The following SH3BP2 variants were observed in gnomAD, a reference collection of about 807,000 sequenced individuals.
SH3BP2 encodes the protein SH3 domain-binding protein 2.
Under a neutral mutation model 56.2 loss-of-function variants are expected in SH3BP2, and 38 were observed. The observed-to-expected ratio is 0.68, with a 90% CI of 0.52 to 0.89. The LOEUF (loss-of-function observed/expected upper bound fraction) is 0.89. SH3BP2 is among the 40% of genes least tolerant of loss of function. The pLI is 0.00. For missense variants in SH3BP2, 748 were observed against 762.6 expected, an observed-to-expected ratio of 0.98 and a Z score of 0.23; for synonymous variants, 346 against 316.7, an observed-to-expected ratio of 1.09 and a Z score of -0.98.
intron 1 of SH3BP2, among the ~76,000 whole-genome samples, chr4:2,808,392 A>C (rs1047035684): frequency 1.3e-5 from 2 of 152,326 alleles, no homozygotes; most frequent in African/African-American, 4.8e-5. Context: ...AGTTACATCG[A>C]AGACCCTTTT....
chr4:2,818,550 G>A (rs1361288407), intron 1 of SH3BP2, among the ~76,000 whole-genome samples: 1 of 152,202 alleles, frequency 6.6e-6, no homozygotes, highest in Non-Finnish European at 1.5e-5. Flanking sequence ...GGACCGTCCC[G>A]GCGGGCGGAT....
At position 2,831,623 on chromosome 4, in the gene SH3BP2, C is replaced by T. The variant is rs373894173; in HGVS notation, c.1294C>T (p.Arg432Trp). 2.5e-4 allele frequency: 402 copies of T among 1,606,062 alleles called. 2 individuals are homozygous for T. Among genetic ancestry groups the T allele is most frequent in the South Asian group, 8.6e-4 (77 of 89,690 alleles). ...CAGGAGCTTCTCCTTTGAAAAGCCC[C>T]GGCAACCCTCACAGGCTGACACTGG... ...SFRSFSFEKP[R>W]QPSQADTGGD... Residue 432 changes from arginine to tryptophan, a missense_variant, in exon 9 of 13, where the codon CGG becomes TGG. By Grantham distance (101) the Arg-to-Trp change is moderately radical. Around this residue, in one of 3 missense-constraint regions of SH3BP2, gnomAD observed 635 missense variants for 615.0 expected, o/e 1.03. Coordinates refer to ENST00000503393, the MANE Select transcript of SH3BP2 (RefSeq NM_001122681.2). This position sits in a 1 kb window ranked among gnomAD's most constrained non-coding sequence, Gnocchi z 4.1.
chr4:2,797,705 G>A (rs928526538), intron 1 of SH3BP2, among the ~76,000 whole-genome samples: 11 of 152,144 alleles, frequency 7.2e-5, no homozygotes, highest in African/African-American at 1.2e-4. Context: ...TGACCTGTCC[G>A]CCTGCCCCTC....
Position 2,831,833 on chromosome 4 carries a change from G to A in SH3BP2, c.1351-90G>A, listed in dbSNP as rs988503957. Reference sequence around the variant, plus strand: ...GGGACACAGCACCATGTAAAGCCCCGGATCCCGGCACCGGGTGGCCACCGT... The same window carrying A: ...GGGACACAGCACCATGTAAAGCCCCAGATCCCGGCACCGGGTGGCCACCGT... On this transcript the variant is annotated intron_variant, in intron 9 of 12. Coordinates refer to ENST00000503393, the MANE Select transcript of SH3BP2 (RefSeq NM_001122681.2). The surrounding 1 kb of genome is among the most constrained non-coding windows in gnomAD (Gnocchi z 4.1). The A allele has an allele frequency of 3.6e-5, 53 of 1,478,848 alleles. 2 individuals carry two copies. Among genetic ancestry groups the A allele is most frequent in the Middle Eastern group, 3.5e-4 (2 of 5,730 alleles). The allele number at this position is 1,478,848 out of a possible 1,614,324, so 91.6% of individuals were successfully genotyped here.
chr4:2,825,233 T>A (rs773068331), intron 5 of SH3BP2, 37 bp downstream of exon 5: 128 of 1,526,754 alleles, frequency 8.4e-5, no homozygotes, highest in Non-Finnish European at 1.1e-4. Context: ...GCAGTGAGGG[T>A]CCCTGGGGCG....
At chr4:2,801,362 G>C (rs1379003663) in intron 1 of SH3BP2, among the ~76,000 whole-genome samples, 1 of 152,236 alleles carries the variant, frequency 6.6e-6, no homozygotes, top group East Asian at 1.9e-4. Flanking sequence ...CCGAGGCTCT[G>C]GGGTTCCCAG....
chr4:2,829,918 C>T lies in SH3BP2; in HGVS notation c.1012C>T (p.His338Tyr), dbSNP rs1408832990. The stretch of plus-strand genomic sequence containing the variant: ...AAACTGTGACAAACTCAAGTCCTTC[C>T]ACCTGTCCCCCCGAGGACCACCCAC... ...SRNCDKLKSF[H>Y]LSPRGPPTSE... Residue 338 changes from histidine (H) to tyrosine (Y), a missense_variant, in exon 8 of 13, where the codon CAC becomes TAC. Transcript: ENST00000503393. This position sits in a 1 kb window ranked among gnomAD's most constrained non-coding sequence, Gnocchi z 4.9. 2.5e-6 allele frequency: 4 copies of T among 1,613,864 alleles called. No homozygotes were observed. Among genetic ancestry groups the T allele is most frequent in the East Asian group, 4.5e-5 (2 of 44,882 alleles).
At chr4:2,823,686 C>G (rs964506982) in intron 3 of SH3BP2, 3 of 364,288 alleles carry the variant, frequency 8.2e-6, no homozygotes, top group Non-Finnish European at 1.7e-5. Context: ...GGTTGCTATC[C>G]CATCGGAGCC....
chr4:2,804,972 C>T (rs1723471372), intron 1 of SH3BP2, among the ~76,000 whole-genome samples: 1 of 152,244 alleles, frequency 6.6e-6, no homozygotes, highest in South Asian at 2.1e-4. Flanking sequence ...GCACTCAGAA[C>T]ACAGTGGACA....
At chr4:2,800,569 A>T (rs1409371600) in intron 1 of SH3BP2, among the ~76,000 whole-genome samples, 1 of 149,940 alleles carries the variant, frequency 6.7e-6, no homozygotes, top group African/African-American at 2.5e-5. Flanking sequence ...CGGGCTGATG[A>T]CGGGCCAGGT....
chr4:2,832,851 T>C (rs904281173), intron 11 of SH3BP2, 139 bp from the exon 12 acceptor site: 3 of 832,590 alleles, frequency 3.6e-6, no homozygotes, highest in Admixed American at 1.8e-5. Context: ...GTGCAGGTGG[T>C]CTGGAGTCCC....
intron 1 of SH3BP2, chr4:2,812,463 G>A: frequency 6.5e-7 from 1 of 1,550,190 alleles, no homozygotes; most frequent in Non-Finnish European, 8.7e-7. Flanking sequence ...CCATGTGTTG[G>A]GTCAGCACCA....
At chr4:2,822,786 C>T (rs1175579017) in intron 2 of SH3BP2, 149 bp from the exon 3 acceptor site, 2 of 680,966 alleles carry the variant, frequency 2.9e-6, no homozygotes, top group Admixed American at 2.1e-5. Flanking sequence ...GGGGAGGGGG[C>T]AGCATGCCAG....
Position 2,831,771 on chromosome 4 carries a change from C to A in SH3BP2, c.1350+92C>A. 7.3e-7 allele frequency: 1 copy of A among 1,365,654 alleles called. No homozygotes were observed. The highest frequency in any genetic ancestry group is 1.0e-6 in the Non-Finnish European group (1 of 976,088). The allele number at this position is 1,365,654 out of a possible 1,614,324, so 84.6% of individuals were successfully genotyped here. A position where few individuals can be genotyped will look rare whatever the true frequency, so the allele number is the denominator to read the frequency against. On this transcript the variant is annotated intron_variant, in intron 9 of 12. Transcript: ENST00000503393. This position sits in a 1 kb window ranked among gnomAD's most constrained non-coding sequence, Gnocchi z 4.1. The stretch of plus-strand genomic sequence containing the variant: ...GCCAGGGCGGCCCCTCACAGACCGT[C>A]CTGAGCAAGGACCCCCCGAGAACCC...
intron 1 of SH3BP2, among the ~76,000 whole-genome samples, chr4:2,799,611 G>T (rs142240317): frequency 6.6e-6 from 1 of 152,210 alleles, no homozygotes; most frequent in Non-Finnish European, 1.5e-5. Context: ...GGTTCCTGCC[G>T]GCTGGCATCA....
At chr4:2,796,349 C>A (rs1333130743) in intron 1 of SH3BP2, 1 of 943,220 alleles carries the variant, frequency 1.1e-6, no homozygotes, top group Admixed American at 6.2e-5. Flanking sequence ...AGGTGCCCTC[C>A]CCCAACCTTC....
chr4:2,796,781 A>G (rs426940), intron 1 of SH3BP2: 69,886 of 152,200 alleles, frequency 0.46, 19,063 homozygotes, highest in African/African-American at 0.76. Context: ...CCAGCTCCCC[A>G]CCCCAGGGTC....
chr4:2,809,284 G>T (rs894998168), intron 1 of SH3BP2, among the ~76,000 whole-genome samples: 5 of 149,648 alleles, frequency 3.3e-5, no homozygotes, highest in Non-Finnish European at 5.9e-5. Flanking sequence ...AGGGCTCAGT[G>T]CCCACCTTCT....
chr4:2,795,636 C>T (rs1231474724), intron 1 of SH3BP2, among the ~76,000 whole-genome samples: 3 of 152,140 alleles, frequency 2.0e-5, no homozygotes, highest in East Asian at 1.9e-4. Context: ...TCCCACCCCT[C>T]GGGCCAATGA....
Sources: allele counts gnomAD v4.1 joint callset (sites outside exome capture counted in the v4.1 genomes callset), GRCh38; gene constraint gnomAD v4.1.1; regional missense constraint gnomAD v4.1.1; non-coding constraint Gnocchi (gnomAD v3.1); transcripts MANE v1.5; gene names NCBI Gene and HGNC (gene_info 2026-07-23, HGNC 2026-07-21).